TRPM3: variants seen among roughly 807,000 people sequenced by gnomAD.
TRPM3 encodes the protein long transient receptor potential channel 3.
TRPM3 carries 77 observed loss-of-function variants against 181.2 expected under a neutral mutation model. The observed-to-expected ratio is 0.42, with a 90% CI of 0.35 to 0.51. The LOEUF (loss-of-function observed/expected upper bound fraction) is 0.51, where lower values mean the gene tolerates loss of function less well. Ranked by LOEUF, TRPM3 falls within the 20% of genes least tolerant of loss-of-function variation. The pLI is 0.01. For missense variants in TRPM3, 1,759 were observed against 2,196.7 expected, an observed-to-expected ratio of 0.80 and a Z score of 3.98; for synonymous variants, 745 against 796.4, an observed-to-expected ratio of 0.94 and a Z score of 1.09.
chr9:71,261,961 C>T (rs564534737), intron 1 of TRPM3, among the ~76,000 whole-genome samples: 1 of 152,158 alleles, frequency 6.6e-6, no homozygotes, highest in Non-Finnish European at 1.5e-5. Context: ...GAGGCGTTTC[C>T]CTGTCAGGAG....
chr9:70,828,715 T>TTG (rs758707614), intron 5 of TRPM3, among the ~76,000 whole-genome samples: 1 of 143,220 alleles, frequency 7.0e-6, no homozygotes, highest in Non-Finnish European at 1.5e-5. Flanking sequence ...TTTTTTTTTT[T>TTG]TATAAAAAGA....
At chr9:71,102,542 A>G (rs142708615) in intron 1 of TRPM3, among the ~76,000 whole-genome samples, 10 of 152,218 alleles carry the variant, frequency 6.6e-5, no homozygotes, top group Admixed American at 6.5e-4. Context: ...TCAACATGCC[A>G]TGCTTCTTCA....
intron 1 of TRPM3, among the ~76,000 whole-genome samples, chr9:71,022,760 A>G (rs1253803047): frequency 6.6e-6 from 1 of 152,182 alleles, no homozygotes; most frequent in African/African-American, 2.4e-5. Flanking sequence ...TGGTGCAGCA[A>G]ACTACCATGG....
intron 1 of TRPM3, among the ~76,000 whole-genome samples, chr9:71,260,640 C>T (rs1280108254): frequency 6.6e-6 from 1 of 152,120 alleles, no homozygotes; most frequent in Non-Finnish European, 1.5e-5. Context: ...CTCTTTGTAG[C>T]AATTGTGAAT....
chr9:70,988,268 A>G (rs970833564), intron 1 of TRPM3, among the ~76,000 whole-genome samples: 11 of 152,222 alleles, frequency 7.2e-5, no homozygotes, highest in African/African-American at 2.7e-4. Context: ...AGAACCACAG[A>G]TACAGAGCTA....
Position 70,848,976 on chromosome 9 carries a change from C to CAAAAAA in TRPM3, c.463-2391_463-2386dup, listed in dbSNP as rs749477799. Among the ~76,000 whole-genome samples the CAAAAAA allele has an allele frequency of 4.2e-4, 5 of 11,972 alleles. 1 individual carries two copies. Among genetic ancestry groups the CAAAAAA allele is most frequent in the African/African-American group, 1.0e-3 (3 of 2,880 alleles). 7.9% of individuals were successfully genotyped at this position (11,972 alleles called of 152,430 possible). ...TGGGCGACAGAGCGAGACTCCGTCT[C>CAAAAAA]AAAAAAAAAAAAAAAAAAAAAAAAA... is the stretch of plus-strand genomic sequence containing the variant. On this transcript the variant is annotated intron_variant, in intron 3 of 25. Transcript: ENST00000677713.
intron 1 of TRPM3, among the ~76,000 whole-genome samples, chr9:71,120,068 T>C (rs943116079): frequency 5.3e-5 from 8 of 152,198 alleles, no homozygotes; most frequent in Non-Finnish European, 2.9e-5. Context: ...CTTAGCTGTA[T>C]GGAACTAACT....
intron 8 of TRPM3, among the ~76,000 whole-genome samples, chr9:70,739,638 C>A (rs1474509890): frequency 6.6e-6 from 1 of 151,928 alleles, no homozygotes; most frequent in Non-Finnish European, 1.5e-5. Flanking sequence ...GTTGCCCAGG[C>A]TGGAGTGCAG....
At chr9:70,609,287 A>ATAAT (rs1167770070) in intron 19 of TRPM3, among the ~76,000 whole-genome samples, 1 of 152,256 alleles carries the variant, frequency 6.6e-6, no homozygotes, top group Non-Finnish European at 1.5e-5. Context: ...AAGGTTAAAA[A>ATAAT]TAATATAGAG....
chr9:70,681,495 G>A lies in TRPM3; in HGVS notation c.1345+11C>T, dbSNP rs756148813. Reference sequence around the variant, plus strand: ...ATTATTTTCACACTCTCTGGACACAGACTCTTTTACCTTTGAGTAAAGCTG... The same window carrying A: ...ATTATTTTCACACTCTCTGGACACAAACTCTTTTACCTTTGAGTAAAGCTG... On this transcript the variant is annotated intron_variant, in intron 9 of 25. Transcript: ENST00000677713. The A allele has an allele frequency of 6.2e-6, 10 of 1,611,922 alleles. No homozygotes were observed. In the Middle Eastern group the frequency reaches 1.2e-3, roughly 186 times the overall value.
intron 12 of TRPM3, among the ~76,000 whole-genome samples, chr9:70,629,229 GC>G (rs1158788289): frequency 4.9e-5 from 3 of 61,388 alleles, no homozygotes; most frequent in African/African-American, 5.6e-5. Flanking sequence ...GGGGGGGGGG[GC>G]CTGCGTTCTG....
chr9:70,813,160 T>C (rs2092308776), intron 6 of TRPM3, among the ~76,000 whole-genome samples: 1 of 152,208 alleles, frequency 6.6e-6, no homozygotes, highest in Non-Finnish European at 1.5e-5. Context: ...CGCTAAGTGA[T>C]GCTCATTGTC....
At chr9:70,701,118 G>T (rs2072400762) in intron 8 of TRPM3, among the ~76,000 whole-genome samples, 1 of 152,094 alleles carries the variant, frequency 6.6e-6, no homozygotes, top group African/African-American at 2.4e-5. Context: ...TCAAGTATGG[G>T]TTATCCATTA....
At chr9:71,200,468 T>A (rs1445172517) in intron 1 of TRPM3, among the ~76,000 whole-genome samples, 1 of 151,266 alleles carries the variant, frequency 6.6e-6, no homozygotes, top group Non-Finnish European at 1.5e-5. Context: ...AAGTTGACAG[T>A]GGGGTGTTAA....
intron 1 of TRPM3, among the ~76,000 whole-genome samples, chr9:71,284,897 A>T (rs1266084664): frequency 1.3e-5 from 2 of 152,246 alleles, no homozygotes; most frequent in African/African-American, 4.8e-5. Flanking sequence ...TTAAGTCTGA[A>T]TTTTGTATCA....
chr9:70,939,292 G>A (rs2096861674), intron 1 of TRPM3, among the ~76,000 whole-genome samples: 1 of 152,208 alleles, frequency 6.6e-6, no homozygotes, highest in Non-Finnish European at 1.5e-5. Flanking sequence ...TTTCCAAGGT[G>A]AGCAAGAGGT....
chr9:71,349,497 G>T (rs563995895), intron 1 of TRPM3, among the ~76,000 whole-genome samples: 2 of 152,104 alleles, frequency 1.3e-5, no homozygotes, highest in African/African-American at 4.8e-5. Flanking sequence ...TCAGCATAAC[G>T]TTCAGTAAAT....
At chr9:71,202,088 G>C (rs2078834583) in intron 1 of TRPM3, among the ~76,000 whole-genome samples, 1 of 152,180 alleles carries the variant, frequency 6.6e-6, no homozygotes, top group Non-Finnish European at 1.5e-5. Flanking sequence ...GTTTGCTAGA[G>C]GTCCACTCCA....
chr9:70,687,755 GCCC>G (rs1394870351), intron 8 of TRPM3, among the ~76,000 whole-genome samples: 2 of 152,048 alleles, frequency 1.3e-5, no homozygotes, highest in Non-Finnish European at 2.9e-5. Flanking sequence ...CTTATTTTGT[GCCC>G]CCTTAAAAGT....
Sources: allele counts gnomAD v4.1 joint callset (sites outside exome capture counted in the v4.1 genomes callset), GRCh38; gene constraint gnomAD v4.1.1; transcripts MANE v1.5; gene names NCBI Gene and HGNC (gene_info 2026-07-23, HGNC 2026-07-21).